Variants in EPB41 observed in about 807,000 individuals in gnomAD.
The protein encoded by EPB41 is erythrocyte membrane protein band 4.1.
EPB41 carries 65 observed loss-of-function variants against 108.0 expected under a neutral mutation model. That is an observed-to-expected ratio of 0.60 (90% CI 0.49 to 0.74). EPB41 has a LOEUF of 0.74. Among genes scored for constraint, EPB41 ranks in the 30% least tolerant of loss-of-function variants. The pLI is 0.00. For missense variants in EPB41, 875 were observed against 1,037.0 expected (o/e 0.84, Z 2.15); for synonymous variants, 336 against 358.9 (o/e 0.94, Z 0.72).
In EPB41 at chr1:29,058,932, C is replaced by G; in HGVS notation, c.1944+80C>G. 5.0e-6 allele frequency: 6 copies of G among 1,208,192 alleles called. No homozygotes were observed. In the South Asian group the frequency reaches 6.8e-5, roughly 14 times the overall value. The allele number at this position is 1,208,192 out of a possible 1,614,324, so 74.8% of individuals were successfully genotyped here. A position where few individuals can be genotyped will look rare whatever the true frequency, so the allele number is the denominator to read the frequency against. ...TACAGTGCATTAAAAAGACAGTGAT[C>G]CATTCTTTTCATTGATTTCTTTTAA... On this transcript the variant is annotated intron_variant, in intron 14 of 20. Coordinates refer to ENST00000343067, the MANE Select transcript of EPB41 (RefSeq NM_001376013.1).
intron 4 of EPB41, among the ~76,000 whole-genome samples, chr1:29,009,775 A>G (rs2096468202): frequency 6.6e-6 from 1 of 152,188 alleles, no homozygotes; most frequent in South Asian, 2.1e-4. Context: ...GCTTATTTTT[A>G]TACCTTAGAA....
At chr1:28,937,597 G>A (rs2094095815) in intron 1 of EPB41, among the ~76,000 whole-genome samples, 1 of 152,182 alleles carries the variant, frequency 6.6e-6, no homozygotes, top group South Asian at 2.1e-4. Flanking sequence ...GTTTCACCAT[G>A]TTGGCCAGGC....
At chr1:28,901,110 T>C (rs2091251637) in intron 1 of EPB41, among the ~76,000 whole-genome samples, 1 of 151,910 alleles carries the variant, frequency 6.6e-6, no homozygotes, top group Admixed American at 6.6e-5. Flanking sequence ...TTTGTATTTT[T>C]AGTAGAGATG....
At chr1:29,082,743 G>A (rs1212601482) in intron 16 of EPB41, among the ~76,000 whole-genome samples, 1 of 152,182 alleles carries the variant, frequency 6.6e-6, no homozygotes, top group East Asian at 1.9e-4. Context: ...CATTTGATCT[G>A]TGGAGTCCTT....
At chr1:28,981,381 ATG>A (rs35755384) in intron 1 of EPB41, among the ~76,000 whole-genome samples, 10,317 of 152,266 alleles carry the variant, frequency 0.068, 509 homozygotes, top group Non-Finnish European at 0.1. Context: ...TATAAAATGA[ATG>A]TGAATGTATT....
chr1:28,902,997 T>C (rs950007138), intron 1 of EPB41, among the ~76,000 whole-genome samples: 6 of 152,190 alleles, frequency 3.9e-5, no homozygotes, highest in African/African-American at 1.4e-4. Flanking sequence ...CCTTCCTAGC[T>C]GTGTGACACT....
rs1415650013 is a variant in EPB41 at position 28,954,531 on chromosome 1, G to A, written c.-7-32900G>A. ...AATAATGAATGATGACATTTCAGTC[G>A]TTTTTGGAGACATGCCAATTAGTGT... is the stretch of plus-strand genomic sequence containing the variant. On this transcript the variant is annotated intron_variant, in intron 1 of 20. Transcript: ENST00000343067. Among the ~76,000 whole-genome samples, 5 of 152,124 alleles carry A rather than the reference G, an allele frequency of 3.3e-5. No individual in the cohort carries two copies. In the East Asian group the frequency reaches 5.8e-4, roughly 18 times the overall value.
intron 1 of EPB41, among the ~76,000 whole-genome samples, chr1:28,906,552 GAT>G (rs1275694630): frequency 6.6e-6 from 1 of 152,186 alleles, no homozygotes; most frequent in African/African-American, 2.4e-5. Context: ...TGGGAGGCCA[GAT>G]CAGTGGGTCT....
rs762258530 is a variant in EPB41 at position 29,104,586 on chromosome 1, A to AT, written c.2314-4736dup. ...GCACACCACTACATGTGACTTTTTA[A>AT]TTTTTTTTTTTTTTCGAGACGGAGT... On this transcript the variant is annotated intron_variant, in intron 17 of 20. Coordinates refer to ENST00000343067, the MANE Select transcript of EPB41 (RefSeq NM_001376013.1). Among the ~76,000 whole-genome samples, 393 of 142,988 alleles carry AT rather than the reference A, an allele frequency of 2.7e-3. 1 individual carries two copies. The highest frequency in any genetic ancestry group is 3.9e-3 in the Non-Finnish European group (255 of 65,004). 93.8% of individuals were successfully genotyped at this position (142,988 alleles called of 152,430 possible).
At chr1:29,105,516 G>T (rs1666845308) in intron 17 of EPB41, among the ~76,000 whole-genome samples, 1 of 152,082 alleles carries the variant, frequency 6.6e-6, no homozygotes, top group South Asian at 2.1e-4. Context: ...GGTATTACAG[G>T]CCTGAGCCAC....
chr1:28,890,662 A>G (rs2090019116), intron 1 of EPB41, among the ~76,000 whole-genome samples: 1 of 152,226 alleles, frequency 6.6e-6, no homozygotes, highest in Non-Finnish European at 1.5e-5. Context: ...TATGCACAGC[A>G]TTCTGTTCTA....
intron 7 of EPB41, among the ~76,000 whole-genome samples, chr1:29,020,611 G>T (rs1030427084): frequency 4.0e-5 from 6 of 151,776 alleles, no homozygotes; most frequent in Non-Finnish European, 7.4e-5. Flanking sequence ...GAGCTGAACC[G>T]CAGAAAATGA....
chr1:29,058,898 A>G, intron 14 of EPB41, 46 bp downstream of exon 14: 1 of 1,471,218 alleles, frequency 6.8e-7, no homozygotes, highest in Non-Finnish European at 9.3e-7. Flanking sequence ...CATTTCACCC[A>G]TGCTGACTTA....
chr1:29,105,023 A>G (rs543407386), intron 17 of EPB41, among the ~76,000 whole-genome samples: 1 of 151,660 alleles, frequency 6.6e-6, no homozygotes, highest in Non-Finnish European at 1.5e-5. Flanking sequence ...ATGCCTAGCA[A>G]TTTGATTGGT....
chr1:29,107,163 A>G (rs1004308445), intron 17 of EPB41, among the ~76,000 whole-genome samples: 2 of 151,992 alleles, frequency 1.3e-5, no homozygotes, highest in African/African-American at 2.4e-5. Flanking sequence ...AGCCTGGGGA[A>G]AAAGCAAAAC....
intron 1 of EPB41, chr1:28,982,472 C>A: frequency 1.3e-6 from 1 of 791,268 alleles, no homozygotes; most frequent in South Asian, 1.3e-5. Context: ...GGGTAGTGGT[C>A]AATTCCAGAC....
intron 16 of EPB41, among the ~76,000 whole-genome samples, chr1:29,088,053 C>T (rs1689261): frequency 0.8 from 109,360 of 137,512 alleles, 44,977 homozygotes; most frequent in Non-Finnish European, 0.87. Flanking sequence ...TTCTTTTTTT[C>T]TTTTTTTTTT....
intron 2 of EPB41, among the ~76,000 whole-genome samples, chr1:28,992,364 C>T (rs921150298): frequency 1.3e-5 from 2 of 151,974 alleles, no homozygotes; most frequent in African/African-American, 4.8e-5. Flanking sequence ...AAAAATATGT[C>T]GGTAGTTTTG....
intron 12 of EPB41, chr1:29,054,160 T>G (rs377233051): frequency 6.6e-6 from 1 of 152,346 alleles, no homozygotes; most frequent in East Asian, 1.9e-4. Flanking sequence ...CTGAGTTAAT[T>G]GCACCCACAG....
Sources: allele counts gnomAD v4.1 joint callset (sites outside exome capture counted in the v4.1 genomes callset), GRCh38; gene constraint gnomAD v4.1.1; transcripts MANE v1.5; gene names NCBI Gene and HGNC (gene_info 2026-07-23, HGNC 2026-07-21).